Variants in TXNDC12 observed in about 807,000 individuals in gnomAD.
TXNDC12 encodes the protein thioredoxin domain-containing protein 12.
A neutral mutation model predicts 24.2 loss-of-function variants in TXNDC12; 22 were observed. The ratio of observed to expected loss-of-function variants is 0.91; its 90% CI spans 0.65 to 1.30. The LOEUF (loss-of-function observed/expected upper bound fraction) is 1.30. Among genes scored for constraint, TXNDC12 ranks in the 50% most tolerant of loss-of-function variants. The pLI, the probability that TXNDC12 is intolerant of heterozygous loss-of-function variation, is 0.00. For missense variants in TXNDC12, 184 were observed against 205.8 expected, an observed-to-expected ratio of 0.89 and a Z score of 0.65; for synonymous variants, 58 against 73.4, an observed-to-expected ratio of 0.79 and a Z score of 1.07.
In TXNDC12 at chr1:52,033,144, G is replaced by C. The variant is rs150631142; in HGVS notation, c.159-4514C>G. On this transcript the variant is annotated intron_variant, in intron 2 of 6. Transcript: ENST00000371626. ...GCAGCGTTAGGGCCTCCAGGAGTTC[G>C]GGAGAGTAAAAGGCACCGGACCCAT... 3.1e-5 allele frequency: 50 copies of C among 1,614,074 alleles called. No homozygotes were observed. The African/African-American group carries it at 6.5e-4, about 21-fold the overall frequency.
In TXNDC12 at chr1:52,053,595, C is replaced by A. The variant is rs193299170; in HGVS notation, c.97+1405G>T. Among the ~76,000 whole-genome samples, 10 of 152,096 alleles carry A rather than the reference C, an allele frequency of 6.6e-5. No individual in the cohort carries two copies. The East Asian group carries it at 1.9e-3, about 29-fold the overall frequency. ...AGGAGAATCGCTTGAACCCAGGAGGCGGAGGTTGCAGTGAGCCAAGATCAT... is the reference window on the plus strand; with the variant it reads ...AGGAGAATCGCTTGAACCCAGGAGGAGGAGGTTGCAGTGAGCCAAGATCAT... On this transcript the variant is annotated intron_variant, in intron 1 of 6. Coordinates refer to ENST00000371626, the MANE Select transcript of TXNDC12 (RefSeq NM_015913.4).
At chr1:52,047,232 T>C (rs1483680504) in intron 1 of TXNDC12, among the ~76,000 whole-genome samples, 1 of 152,122 alleles carries the variant, frequency 6.6e-6, no homozygotes, top group Non-Finnish European at 1.5e-5. Context: ...TAATGATGGT[T>C]TATCAGGTAA....
chr1:52,035,480 G>A (rs76511642), intron 2 of TXNDC12, among the ~76,000 whole-genome samples: 8,049 of 152,178 alleles, frequency 0.053, 227 homozygotes, highest in South Asian at 0.064. Context: ...GAGGCAGAGG[G>A]TAGATCACCT....
upstream of TXNDC12, chr1:52,055,547 G>C (rs1329956311): frequency 3.8e-5 from 7 of 184,630 alleles, no homozygotes; most frequent in South Asian, 7.1e-4. Context: ...AACAGTGGGC[G>C]GATTGCCCAC....
chr1:52,033,823 G>C (rs996343982), intron 2 of TXNDC12: 1 of 1,479,270 alleles, frequency 6.8e-7, no homozygotes, highest in Non-Finnish European at 9.0e-7. Context: ...ACGCGTCTCC[G>C]ACGTAAGCCG....
Position 52,055,156 on chromosome 1 carries a change from G to T in TXNDC12, c.-60C>A. On this transcript the variant is annotated 5_prime_UTR_variant, in exon 1 of 7. Transcript: ENST00000371626. ...ACGCAGGGCCGGAGTCCCAGCAGAC[G>T]GTCCACACAGTTCGCCGAGCGCCGC... The T allele has an allele frequency of 4.1e-6, 5 of 1,215,874 alleles. No homozygotes were observed. Among genetic ancestry groups the T allele is most frequent in the South Asian group, 1.2e-5 (1 of 82,448 alleles). The allele number at this position is 1,215,874 out of a possible 1,614,324, so 75.3% of individuals were successfully genotyped here.
At chr1:52,041,330 C>T (rs1685985443) in intron 2 of TXNDC12, among the ~76,000 whole-genome samples, 1 of 149,222 alleles carries the variant, frequency 6.7e-6, no homozygotes, top group African/African-American at 2.5e-5. Flanking sequence ...GAGACTCCAT[C>T]TCAAAAAGAA....
Position 52,055,147 on chromosome 1 carries a change from C to T in TXNDC12, c.-51G>A. ...GCTGAGCGGACGCAGGGCCGGAGTC[C>T]CAGCAGACGGTCCACACAGTTCGCC... On this transcript the variant is annotated 5_prime_UTR_variant, in exon 1 of 7. Transcript: ENST00000371626. 1.5e-6 allele frequency: 2 copies of T among 1,315,662 alleles called. No homozygotes were observed. The highest frequency in any genetic ancestry group is 2.2e-6 in the Non-Finnish European group (2 of 910,290). The allele number at this position is 1,315,662 out of a possible 1,614,324, so 81.5% of individuals were successfully genotyped here.
chr1:52,054,138 A>G (rs972211399), intron 1 of TXNDC12, among the ~76,000 whole-genome samples: 1 of 152,140 alleles, frequency 6.6e-6, no homozygotes, highest in African/African-American at 2.4e-5. Context: ...ACTCACCAAT[A>G]GATGTGAAAA....
chr1:52,024,879 A>G (rs1426143847), intron 4 of TXNDC12, among the ~76,000 whole-genome samples: 2 of 152,192 alleles, frequency 1.3e-5, no homozygotes, highest in Non-Finnish European at 2.9e-5. Flanking sequence ...TATTATCCAC[A>G]TGGTTGACTC....
intron 6 of TXNDC12, 171 bp downstream of exon 6, chr1:52,023,320 G>T: frequency 1.9e-6 from 1 of 514,456 alleles, no homozygotes; most frequent in Non-Finnish European, 3.4e-6. Context: ...CAAGGGAAGG[G>T]GCTCAGTCTC....
At chr1:52,033,054 C>G in intron 2 of TXNDC12, 1 of 1,594,058 alleles carries the variant, frequency 6.3e-7, no homozygotes, top group East Asian at 2.2e-5. Flanking sequence ...GCAACGGCTC[C>G]TCTAGGCCCA....
intron 2 of TXNDC12, among the ~76,000 whole-genome samples, chr1:52,036,562 A>G (rs1254360278): frequency 6.6e-6 from 1 of 152,204 alleles, no homozygotes; most frequent in Non-Finnish European, 1.5e-5. Flanking sequence ...CTTTATGGAA[A>G]TATAATTTCT....
intron 6 of TXNDC12, 39 bp from the exon 7 acceptor site, chr1:52,021,051 G>A: frequency 6.9e-7 from 1 of 1,459,032 alleles, no homozygotes; most frequent in Non-Finnish European, 9.6e-7. Flanking sequence ...TATGAAGTAA[G>A]TAATGTTTGA....
intron 2 of TXNDC12, among the ~76,000 whole-genome samples, chr1:52,029,931 G>A (rs1572000009): frequency 6.6e-6 from 1 of 152,258 alleles, no homozygotes; most frequent in East Asian, 1.9e-4. Flanking sequence ...AAAATGTGCT[G>A]AACGTTTATT....
intron 2 of TXNDC12, among the ~76,000 whole-genome samples, chr1:52,035,369 CTA>C (rs1685861493): frequency 6.6e-6 from 1 of 152,110 alleles, no homozygotes; most frequent in Non-Finnish European, 1.5e-5. Flanking sequence ...ATAACAACTG[CTA>C]TTTCACAGGT....
At chr1:52,045,723 G>A (rs1686078684) in intron 1 of TXNDC12, among the ~76,000 whole-genome samples, 1 of 152,170 alleles carries the variant, frequency 6.6e-6, no homozygotes. Context: ...AGGGACTTTG[G>A]TTAATAATAA....
chr1:52,022,024 C>A (rs570125360), intron 6 of TXNDC12, among the ~76,000 whole-genome samples: 1 of 152,234 alleles, frequency 6.6e-6, no homozygotes, highest in African/African-American at 2.4e-5. Context: ...AGACCTAAAG[C>A]CCAGCTGCCC....
rs1236253451 is a variant in TXNDC12, at chr1:52,020,674, TTC to T, written c.*257_*258del. The T allele has an allele frequency of 2.2e-6, 1 of 455,802 alleles. No homozygotes were observed. The highest frequency in any genetic ancestry group is 2.0e-5 in the African/African-American group (1 of 50,596). 28.2% of individuals were successfully genotyped at this position (455,802 alleles called of 1,614,324 possible). A position where few individuals can be genotyped will look rare whatever the true frequency, so the allele number is the denominator to read the frequency against. ...TCAAGTTTTGTGTCAGAAGGTTTCA[TTC>T]TTTACATTCAATGACAAGTTGACAT... is the stretch of plus-strand genomic sequence containing the variant. On this transcript the variant is annotated 3_prime_UTR_variant, in exon 7 of 7. Coordinates refer to ENST00000371626, the MANE Select transcript of TXNDC12 (RefSeq NM_015913.4).
Sources: gnomAD v4.1 joint callset for allele counts (sites outside exome capture counted in the v4.1 genomes callset) on GRCh38, gnomAD v4.1.1 for gene constraint, MANE v1.5 for transcripts, NCBI Gene and HGNC (gene_info 2026-07-23, HGNC 2026-07-21) for gene names.